RYR3: variants seen among roughly 807,000 people sequenced by gnomAD.
The protein encoded by RYR3 is ryanodine receptor 3.
RYR3 carries 207 observed loss-of-function variants against 584.3 expected under a neutral mutation model. The ratio of observed to expected loss-of-function variants is 0.35; its 90% CI spans 0.32 to 0.40. RYR3 has a LOEUF of 0.40. Among genes scored for constraint, RYR3 ranks in the 10% least tolerant of loss-of-function variants. RYR3 has a pLI of 1.00. For synonymous variants in RYR3, 2,416 were observed against 2,248.5 expected (o/e 1.07, Z -2.11); for missense variants, 5,616 against 6,089.2 (o/e 0.92, Z 2.59).
intron 1 of RYR3, among the ~76,000 whole-genome samples, chr15:33,457,335 G>T (rs552690784): frequency 2.6e-5 from 4 of 152,260 alleles, no homozygotes; most frequent in African/African-American, 9.6e-5. Flanking sequence ...CCAAGATATA[G>T]AATCAACTTG....
At chr15:33,638,769 C>T (rs1206401004) in intron 27 of RYR3, among the ~76,000 whole-genome samples, 1 of 152,126 alleles carries the variant, frequency 6.6e-6, no homozygotes, top group Non-Finnish European at 1.5e-5. Context: ...TTATCAATGA[C>T]AAGTGACTAA....
rs189252607 is a variant in RYR3, at chr15:33,644,557, G to T, written c.3765+38G>T. 514 of 1,524,994 alleles carry T rather than the reference G, an allele frequency of 3.4e-4. 1 individual carries two copies. The highest frequency in any genetic ancestry group is 4.4e-4 in the Non-Finnish European group (488 of 1,104,116). The allele number at this position is 1,524,994 out of a possible 1,614,324, so 94.5% of individuals were successfully genotyped here. On this transcript the variant is annotated intron_variant, in intron 28 of 103. Coordinates refer to ENST00000634891, the MANE Select transcript of RYR3 (RefSeq NM_001036.6). ...AATGTGTGTGGCCCTGGCAGGTCAG[G>T]TGGGCCAAGGCCCTAAGCTTGCCCT...
intron 1 of RYR3, among the ~76,000 whole-genome samples, chr15:33,313,850 C>T (rs1443898853): frequency 6.6e-6 from 1 of 152,090 alleles, no homozygotes; most frequent in African/African-American, 2.4e-5. Flanking sequence ...AGCATTATGC[C>T]AAGGATCCTA....
At chr15:33,374,215 T>C (rs1180797484) in intron 1 of RYR3, among the ~76,000 whole-genome samples, 1 of 152,212 alleles carries the variant, frequency 6.6e-6, no homozygotes, top group Non-Finnish European at 1.5e-5. Context: ...ATCTTCAGCC[T>C]CTGAGTAATG....
chr15:33,570,836 A>G (rs980537057), intron 12 of RYR3, among the ~76,000 whole-genome samples: 1 of 151,076 alleles, frequency 6.6e-6, no homozygotes, highest in South Asian at 2.1e-4. Context: ...GCTACTACAA[A>G]TATAATTATT....
At chr15:33,435,053 C>T (rs960597432) in intron 1 of RYR3, among the ~76,000 whole-genome samples, 2 of 152,084 alleles carry the variant, frequency 1.3e-5, no homozygotes, top group South Asian at 2.1e-4. Flanking sequence ...ATCTCCTGAC[C>T]TCATGATCCG....
chr15:33,499,181 C>T (rs908150009), intron 2 of RYR3, among the ~76,000 whole-genome samples: 2 of 151,042 alleles, frequency 1.3e-5, no homozygotes, highest in African/African-American at 2.4e-5. Flanking sequence ...TCCCCTCCCT[C>T]TCTCTCCCTC....
chr15:33,784,221 T>G (rs2074565733), intron 65 of RYR3, among the ~76,000 whole-genome samples: 1 of 152,256 alleles, frequency 6.6e-6, no homozygotes, highest in African/African-American at 2.4e-5. Flanking sequence ...CTCTGCTCCA[T>G]GCACTATAAC....
intron 16 of RYR3, among the ~76,000 whole-genome samples, chr15:33,588,269 C>G (rs895382837): frequency 6.6e-6 from 1 of 152,176 alleles, no homozygotes; most frequent in African/African-American, 2.4e-5. Context: ...AGCCACACAG[C>G]TAATTAATGA....
intron 96 of RYR3, 96 bp downstream of exon 96, chr15:33,853,778 C>A: frequency 6.7e-7 from 1 of 1,486,420 alleles, no homozygotes; most frequent in Non-Finnish European, 9.0e-7. Context: ...TTTGTTCTCT[C>A]AGGCTGTGGT....
chr15:33,388,145 AG>A (rs1361332606), intron 1 of RYR3, among the ~76,000 whole-genome samples: 1 of 152,180 alleles, frequency 6.6e-6, no homozygotes, highest in Non-Finnish European at 1.5e-5. Flanking sequence ...AGAAAACATA[AG>A]AACAGGCCAC....
chr15:33,864,908 G>C (rs1484245467), intron 103 of RYR3: 3 of 502,764 alleles, frequency 6.0e-6, no homozygotes, highest in South Asian at 3.4e-5. Flanking sequence ...GTTTGGGGCA[G>C]AGGGGGATTT....
chr15:33,829,554 C>G (rs960963450), intron 85 of RYR3, among the ~76,000 whole-genome samples: 3 of 151,998 alleles, frequency 2.0e-5, no homozygotes, highest in African/African-American at 7.3e-5. Context: ...CGAGACCATC[C>G]TGGCTAACAC....
In RYR3 at chr15:33,780,238, G is replaced by A; in HGVS notation, c.9165G>A (p.Leu3055=). The part of the protein sequence containing the change: ...ERQRPALGEC[L]ASLAAAIPVA... ...AACGCCCTGCCCTTGGAGAATGTCT[G>A]GCCTCGCTGGCAGCTGCCATACCAG... Residue 3055 remains leucine, a synonymous_variant, in exon 65 of 104, where the codon CTG becomes CTA. Coordinates refer to ENST00000634891, the MANE Select transcript of RYR3 (RefSeq NM_001036.6). 6.2e-7 allele frequency: 1 copy of A among 1,613,866 alleles called. No individual in the cohort carries two copies. The highest frequency in any genetic ancestry group is 1.1e-5 in the South Asian group (1 of 91,062).
chr15:33,681,547 G>A (rs912030125), intron 38 of RYR3, among the ~76,000 whole-genome samples: 39 of 152,084 alleles, frequency 2.6e-4, no homozygotes, highest in Non-Finnish European at 4.4e-4. Flanking sequence ...TCTACTACTG[G>A]GAGAAATAAA....
Position 33,860,647 on chromosome 15 carries a change from A to G in RYR3, c.14352A>G (p.Arg4784=). The stretch of plus-strand genomic sequence containing the variant: ...TAAGAGACCAGCAGGAACAAGTACG[A>G]GAAGATATGGAGGTAATGTTACTCT... ...GELRDQQEQV[R]EDMETKCFIC... is the part of the protein sequence containing the mutation. The change falls in exon 101 of 104, where the codon CGA becomes CGG. Residue 4784 remains arginine, a synonymous_variant. Transcript: ENST00000634891. The G allele has an allele frequency of 6.3e-7, 1 of 1,592,120 alleles. No individual in the cohort carries two copies.
chr15:33,574,378 G>T (rs1448015048), intron 12 of RYR3, among the ~76,000 whole-genome samples: 1 of 152,150 alleles, frequency 6.6e-6, no homozygotes, highest in East Asian at 1.9e-4. Context: ...TCAGAAGTGG[G>T]AAGTTCTATC....
intron 38 of RYR3, among the ~76,000 whole-genome samples, chr15:33,689,756 T>C (rs928778721): frequency 2.1e-5 from 3 of 142,988 alleles, no homozygotes; most frequent in East Asian, 2.1e-4. Context: ...ATAGGAGTTA[T>C]ACCTTCTTAT....
rs898192253 is a variant in RYR3, at chr15:33,860,669, C to A, written c.14364+10C>A. 1 of 1,557,542 alleles carries A rather than the reference C, an allele frequency of 6.4e-7. No homozygotes were observed. The highest frequency in any genetic ancestry group is 1.8e-5 in the Admixed American group (1 of 55,384). ...ACGAGAAGATATGGAGGTAATGTTA[C>A]TCTAACTACTAATCCCAGCTCTATT... On this transcript the variant is annotated intron_variant, in intron 101 of 103. Coordinates refer to ENST00000634891, the MANE Select transcript of RYR3 (RefSeq NM_001036.6).
Sources: allele counts gnomAD v4.1 joint callset (sites outside exome capture counted in the v4.1 genomes callset), GRCh38; gene constraint gnomAD v4.1.1; transcripts MANE v1.5; gene names NCBI Gene and HGNC (gene_info 2026-07-23, HGNC 2026-07-21).